Variants in HK2 observed in about 807,000 individuals in gnomAD.
HK2 encodes hexokinase-2.
Under a neutral mutation model 92.9 loss-of-function variants are expected in HK2, and 42 were observed. That is an observed-to-expected ratio of 0.45 (90% CI 0.35 to 0.58). HK2 has a LOEUF of 0.58. Among genes scored for constraint, HK2 ranks in the 20% least tolerant of loss-of-function variants. HK2 has a pLI of 0.00. For missense variants in HK2, 978 were observed against 1,245.1 expected, an observed-to-expected ratio of 0.79 and a Z score of 3.23; for synonymous variants, 422 against 468.0, an observed-to-expected ratio of 0.90 and a Z score of 1.27.
At chr2:74,883,489 G>T (rs1264873094) in intron 12 of HK2, among the ~76,000 whole-genome samples, 1 of 152,208 alleles carries the variant, frequency 6.6e-6, no homozygotes, top group Non-Finnish European at 1.5e-5. Flanking sequence ...GACAGAAAGA[G>T]CTGGGCCAGC....
At position 74,834,153 on chromosome 2, in the gene HK2, G is replaced by C. The variant is rs1573344437; in HGVS notation, c.-428G>C. 2.4e-5 allele frequency: 8 copies of C among 339,466 alleles called. No homozygotes were observed. Among genetic ancestry groups the C allele is most frequent in the South Asian group, 1.6e-4 (7 of 42,628 alleles). 21.0% of individuals were successfully genotyped at this position (339,466 alleles called of 1,614,324 possible). ...CATTGTTGCATGAAACTCCGGCGCA[G>C]GAGTCCCGGGCTGCCGCTGGCAACA... is the stretch of plus-strand genomic sequence containing the variant. On this transcript the variant is annotated 5_prime_UTR_variant, in exon 1 of 18. Coordinates refer to ENST00000290573, the MANE Select transcript of HK2 (RefSeq NM_000189.5). This position sits in a 1 kb window ranked among gnomAD's most constrained non-coding sequence, Gnocchi z 4.2.
chr2:74,846,000 AGGTTAGGGCACTCGGCT>A (rs1558788376), intron 1 of HK2, among the ~76,000 whole-genome samples: 1 of 152,202 alleles, frequency 6.6e-6, no homozygotes, highest in African/African-American at 2.4e-5. Flanking sequence ...CCTGTGCCCT[AGGTTAGGGCACTCGGCT>A]GGTCACTGGA....
At chr2:74,883,055 G>T (rs141510536) in intron 12 of HK2, among the ~76,000 whole-genome samples, 1 of 152,192 alleles carries the variant, frequency 6.6e-6, no homozygotes, top group Non-Finnish European at 1.5e-5. Context: ...AAGTGGAGGA[G>T]AACTGAGTAG....
intron 12 of HK2, 135 bp downstream of exon 12, chr2:74,882,374 G>A: frequency 1.5e-6 from 2 of 1,306,186 alleles, no homozygotes; most frequent in Non-Finnish European, 1.1e-6. Context: ...GTGGGGAGGG[G>A]CTCCTTGATG....
At chr2:74,862,682 T>A (rs1688857954) in intron 2 of HK2, among the ~76,000 whole-genome samples, 1 of 152,214 alleles carries the variant, frequency 6.6e-6, no homozygotes, top group Admixed American at 6.5e-5. Flanking sequence ...GGTACTTACG[T>A]AGTCCAGGCG....
In HK2 at chr2:74,855,392, T is replaced by C. The variant is rs565062166; in HGVS notation, c.226+937T>C. ...GGATACAGAGTACTTTTTTTTGAGA[T>C]GGAGTCTCGCTCTGTCACCCAGGCT... On this transcript the variant is annotated intron_variant, in intron 2 of 17. Transcript: ENST00000290573. 4.6e-5 allele frequency among the ~76,000 whole-genome samples: 7 copies of C among 152,280 alleles called. No individual in the cohort carries two copies. In the South Asian group the frequency reaches 1.2e-3, roughly 27 times the overall value.
At chr2:74,836,098 G>A (rs1688159391) in intron 1 of HK2, among the ~76,000 whole-genome samples, 1 of 152,166 alleles carries the variant, frequency 6.6e-6, no homozygotes, top group Admixed American at 6.5e-5. Flanking sequence ...ACTTAAAAAC[G>A]TGCCTTTGAT....
intron 1 of HK2, among the ~76,000 whole-genome samples, chr2:74,846,293 CTT>C (rs1434285874): frequency 6.7e-6 from 1 of 148,162 alleles, no homozygotes; most frequent in Non-Finnish European, 1.5e-5. Context: ...AGTGGGTAAA[CTT>C]GGGCCAAGTC....
Position 74,888,077 on chromosome 2 carries a change from G to C in HK2, c.2375+19G>C. 1 of 1,613,488 alleles carries C rather than the reference G, an allele frequency of 6.2e-7. No individual in the cohort carries two copies. The highest frequency in any genetic ancestry group is 1.1e-5 in the South Asian group (1 of 91,052). ...TTGAGAGGTGAGAGCTTAGGGCTCA[G>C]GGTAGCAGGGGGGCCATGTCCTTTT... On this transcript the variant is annotated intron_variant, in intron 16 of 17. Transcript: ENST00000290573.
intron 12 of HK2, among the ~76,000 whole-genome samples, chr2:74,885,147 G>A (rs574153684): frequency 6.6e-6 from 1 of 152,340 alleles, no homozygotes; most frequent in East Asian, 1.9e-4. Flanking sequence ...GGGCCTCGGA[G>A]TGCATCCTGC....
intron 2 of HK2, among the ~76,000 whole-genome samples, chr2:74,856,395 A>G (rs574717127): frequency 6.6e-6 from 1 of 152,180 alleles, no homozygotes; most frequent in African/African-American, 2.4e-5. Flanking sequence ...TTGGCCCTTC[A>G]AAGAGCCCCT....
chr2:74,881,537 C>T (rs1689391887), intron 10 of HK2, among the ~76,000 whole-genome samples, 174 bp from the exon 11 acceptor site: 1 of 152,226 alleles, frequency 6.6e-6, no homozygotes, highest in Admixed American at 6.5e-5. Context: ...TAAAAGATTT[C>T]CCTTCAGCTT....
At chr2:74,862,815 ATG>A (rs2103918338) in intron 2 of HK2, among the ~76,000 whole-genome samples, 1 of 152,226 alleles carries the variant, frequency 6.6e-6, no homozygotes, top group African/African-American at 2.4e-5. Context: ...GCGTGTGTGT[ATG>A]TGTGCGTGTA....
chr2:74,890,259 TG>T (rs1420626090), intron 17 of HK2, among the ~76,000 whole-genome samples: 1 of 152,232 alleles, frequency 6.6e-6, no homozygotes, highest in Non-Finnish European at 1.5e-5. Flanking sequence ...TCTCTTTCTC[TG>T]GTCCATATAG....
chr2:74,848,959 T>A (rs1688505220), intron 1 of HK2, among the ~76,000 whole-genome samples: 2 of 152,204 alleles, frequency 1.3e-5, no homozygotes, highest in African/African-American at 4.8e-5. Context: ...TTCTCTGAGA[T>A]CCCTTTCTTG....
In HK2 at chr2:74,893,019, CTG is replaced by C. The variant is rs775153156; in HGVS notation, c.*2081_*2082del. ...TTTAAGCTTGAAGATTAGGTACTAT[CTG>C]TGAAGTTACACTTTTTTTTTTTTTT... On this transcript the variant is annotated 3_prime_UTR_variant, in exon 18 of 18. Transcript: ENST00000290573. The C allele has an allele frequency of 3.4e-5, 5 of 146,772 alleles. No homozygotes were observed. Among genetic ancestry groups the C allele is most frequent in the Non-Finnish European group, 5.9e-5 (4 of 67,506 alleles). 9.1% of individuals were successfully genotyped at this position (146,772 alleles called of 1,614,324 possible). A position where few individuals can be genotyped will look rare whatever the true frequency, so the allele number is the denominator to read the frequency against.
intron 13 of HK2, among the ~76,000 whole-genome samples, chr2:74,886,073 G>A (rs1316011311): frequency 6.6e-6 from 1 of 151,914 alleles, no homozygotes; most frequent in African/African-American, 2.4e-5. Flanking sequence ...GGTGAGGAGA[G>A]CAGATGGAGC....
At position 74,880,261 on chromosome 2, in the gene HK2, G is replaced by T. The variant is rs778807653; in HGVS notation, c.1266-4G>T. 5 of 1,613,994 alleles carry T rather than the reference G, an allele frequency of 3.1e-6. No homozygotes were observed. The highest frequency in any genetic ancestry group is 1.3e-5 in the African/African-American group (1 of 74,950). On this transcript the variant is annotated splice_region_variant and splice_polypyrimidine_tract_variant and intron_variant, in intron 9 of 17. Coordinates refer to ENST00000290573, the MANE Select transcript of HK2 (RefSeq NM_000189.5). ...TGTCTCTTACCCGCCCTGGGGAACT[G>T]CAGTTTTGCCAAGCGTCTACATAAG... is the stretch of plus-strand genomic sequence containing the variant.
intron 1 of HK2, among the ~76,000 whole-genome samples, chr2:74,837,356 C>T (rs946229713): frequency 2.6e-5 from 4 of 152,242 alleles, no homozygotes; most frequent in Non-Finnish European, 4.4e-5. Flanking sequence ...GTAGCACCCC[C>T]ACCCATCATG....
Sources: gnomAD v4.1 joint callset for allele counts (sites outside exome capture counted in the v4.1 genomes callset) on GRCh38, gnomAD v4.1.1 for gene constraint, Gnocchi (gnomAD v3.1) non-coding constraint, MANE v1.5 for transcripts, NCBI Gene and HGNC (gene_info 2026-07-23, HGNC 2026-07-21) for gene names.